Variants in PCSK5 observed in about 807,000 individuals in gnomAD.
The protein encoded by PCSK5 is prohormone convertase 5.
Under a neutral mutation model 233.2 loss-of-function variants are expected in PCSK5, and 129 were observed. The observed-to-expected ratio is 0.55, with a 90% confidence interval of 0.48 to 0.64. The LOEUF (loss-of-function observed/expected upper bound fraction) is 0.64, where lower values mean the gene tolerates loss of function less well. PCSK5 is among the 30% of genes least tolerant of loss of function. The probability of loss-of-function intolerance (pLI) is 0.00; values close to 1 mark genes in which losing one functional copy is unlikely to be tolerated. For synonymous variants in PCSK5, 825 were observed against 879.2 expected, an observed-to-expected ratio of 0.94 and a Z score of 1.09; for missense variants, 2,076 against 2,430.1, an observed-to-expected ratio of 0.85 and a Z score of 3.06.
intron 3 of PCSK5, among the ~76,000 whole-genome samples, chr9:76,005,187 A>G (rs552947244): frequency 6.6e-6 from 1 of 152,338 alleles, no homozygotes; most frequent in South Asian, 2.1e-4. Context: ...ACTTATGTAC[A>G]ATTTAAGATT....
At chr9:76,299,939 C>T (rs938826597) in intron 27 of PCSK5, among the ~76,000 whole-genome samples, 1 of 152,200 alleles carries the variant, frequency 6.6e-6, no homozygotes, top group African/African-American at 2.4e-5. Flanking sequence ...GTAATTTCTG[C>T]ACATTTATCT....
intron 34 of PCSK5, 146 bp from the exon 35 acceptor site, chr9:76,338,084 G>T: frequency 1.6e-6 from 1 of 623,706 alleles, no homozygotes; most frequent in Non-Finnish European, 2.8e-6. Flanking sequence ...GGATTCATTA[G>T]TGTTATTAGC....
intron 34 of PCSK5, among the ~76,000 whole-genome samples, chr9:76,333,948 G>A (rs947785703): frequency 6.6e-6 from 1 of 152,162 alleles, no homozygotes; most frequent in African/African-American, 2.4e-5. Context: ...TCACGCGGCT[G>A]ATAAAGACAT....
rs13288726 is a variant in PCSK5 at position 76,162,415 on chromosome 9, G to A, written c.1619+3244G>A. Among the ~76,000 whole-genome samples, 593 of 152,264 alleles carry A rather than the reference G, an allele frequency of 3.9e-3. 2 individuals are homozygous for A. The highest frequency in any genetic ancestry group is 5.9e-3 in the Non-Finnish European group (403 of 68,016). On this transcript the variant is annotated intron_variant, in intron 12 of 37. Coordinates refer to ENST00000674117, the MANE Select transcript of PCSK5 (RefSeq NM_001372043.1). ...CCTCTCACCTTGGCCCCATTTCAAAGCACATTCCCAGAATGGAGAGCTGGG... is the reference window on the plus strand; with the variant it reads ...CCTCTCACCTTGGCCCCATTTCAAAACACATTCCCAGAATGGAGAGCTGGG...
intron 3 of PCSK5, among the ~76,000 whole-genome samples, chr9:76,015,438 C>G (rs903907319): frequency 1.1e-4 from 17 of 152,066 alleles, no homozygotes; most frequent in African/African-American, 3.1e-4. Context: ...ACCATCACAC[C>G]GTCTCAAGAA....
intron 10 of PCSK5, among the ~76,000 whole-genome samples, chr9:76,155,254 T>C (rs959702058): frequency 5.3e-5 from 8 of 152,210 alleles, no homozygotes; most frequent in Admixed American, 2.0e-4. Context: ...AACTTAATAA[T>C]GTAGATGAGA....
At chr9:76,235,394 G>A (rs779087351) in intron 22 of PCSK5, among the ~76,000 whole-genome samples, 4 of 152,138 alleles carry the variant, frequency 2.6e-5, no homozygotes, top group East Asian at 3.8e-4. Context: ...TTAGAAAGAA[G>A]TTTAGATACC....
At chr9:76,281,711 C>T (rs11507272) in intron 24 of PCSK5, among the ~76,000 whole-genome samples, 19,946 of 152,072 alleles carry the variant, frequency 0.13, 1,786 homozygotes, top group African/African-American at 0.26. Context: ...TACAGTGGCA[C>T]ACTCTTGGCT....
chr9:76,055,597 T>C (rs1829792479), intron 5 of PCSK5, among the ~76,000 whole-genome samples: 1 of 152,108 alleles, frequency 6.6e-6, no homozygotes, highest in Non-Finnish European at 1.5e-5. Context: ...AAATATGCTG[T>C]CATCAATACT....
intron 13 of PCSK5, among the ~76,000 whole-genome samples, chr9:76,173,806 C>T (rs1823449936): frequency 6.6e-6 from 1 of 151,746 alleles, no homozygotes; most frequent in Non-Finnish European, 1.5e-5. Flanking sequence ...AACCCTGTCT[C>T]TACTAAAAAA....
intron 14 of PCSK5, among the ~76,000 whole-genome samples, chr9:76,176,444 C>G (rs1278948841): frequency 6.6e-6 from 1 of 152,150 alleles, no homozygotes; most frequent in Non-Finnish European, 1.5e-5. Context: ...ACATCTGCTT[C>G]CCATTTCCAT....
At chr9:76,196,140 G>GA (rs1189148372) in intron 20 of PCSK5, among the ~76,000 whole-genome samples, 11 of 152,134 alleles carry the variant, frequency 7.2e-5, no homozygotes, top group Admixed American at 2.6e-4. Flanking sequence ...GCAAGGCTGT[G>GA]AAAAAAAATC....
intron 22 of PCSK5, among the ~76,000 whole-genome samples, chr9:76,235,309 AAAGAAG>A (rs142476252): frequency 2.6e-5 from 4 of 151,180 alleles, no homozygotes; most frequent in East Asian, 2.0e-4. Flanking sequence ...CAACAAAAAA[AAAGAAG>A]AAGAAGAAGA....
chr9:76,033,595 A>G (rs1029172384), intron 5 of PCSK5, among the ~76,000 whole-genome samples: 16 of 152,140 alleles, frequency 1.1e-4, no homozygotes, highest in African/African-American at 3.9e-4. Context: ...AAAAAAAAAA[A>G]TCTGACACTT....
At chr9:76,276,778 C>T (rs1827702111) in intron 24 of PCSK5, among the ~76,000 whole-genome samples, 1 of 152,166 alleles carries the variant, frequency 6.6e-6, no homozygotes, top group Non-Finnish European at 1.5e-5. Flanking sequence ...TTTTCTTCAC[C>T]CAATGCATAT....
At chr9:75,938,649 G>A (rs1340199095) in intron 2 of PCSK5, among the ~76,000 whole-genome samples, 3 of 152,156 alleles carry the variant, frequency 2.0e-5, no homozygotes, top group Admixed American at 6.5e-5. Context: ...ATAAAACAAG[G>A]TATGCCCGTA....
At position 76,362,587 on chromosome 9, in the gene PCSK5, T is replaced by C. The variant is rs1830446874; in HGVS notation, c.*3665T>C. Among the ~76,000 whole-genome samples the C allele has an allele frequency of 1.3e-5, 2 of 152,234 alleles. No individual in the cohort carries two copies. The highest frequency in any genetic ancestry group is 4.8e-5 in the African/African-American group (2 of 41,466). On this transcript the variant is annotated 3_prime_UTR_variant, in exon 38 of 38. Coordinates refer to ENST00000674117, the MANE Select transcript of PCSK5 (RefSeq NM_001372043.1). ...GAGGAAACCACCCCTCATATTGTCT[T>C]ATGCCCAATTTCTGCCTCCAAAGAA...
Position 76,358,394 on chromosome 9 carries a change from C to G in PCSK5, c.5255-119C>G, listed in dbSNP as rs566799485. 8.2e-6 allele frequency: 6 copies of G among 734,828 alleles called. 1 individual carries two copies. Among genetic ancestry groups the G allele is most frequent in the African/African-American group, 1.8e-5 (1 of 56,464 alleles). 45.5% of individuals were successfully genotyped at this position (734,828 alleles called of 1,614,324 possible). ...CAGAGGAAAATCAGAGACAGTGATT[C>G]TACCATTTTCAATTTTTAAAATAAA... On this transcript the variant is annotated intron_variant, in intron 37 of 37. Coordinates refer to ENST00000674117, the MANE Select transcript of PCSK5 (RefSeq NM_001372043.1).
intron 24 of PCSK5, among the ~76,000 whole-genome samples, chr9:76,275,707 T>TA (rs1381610168): frequency 6.6e-6 from 1 of 152,194 alleles, no homozygotes; most frequent in East Asian, 1.9e-4. Flanking sequence ...TTCCAGGCAT[T>TA]AGCCACTGTG....
Sources: allele counts gnomAD v4.1 joint callset (sites outside exome capture counted in the v4.1 genomes callset), GRCh38; gene constraint gnomAD v4.1.1; transcripts MANE v1.5; gene names NCBI Gene and HGNC (gene_info 2026-07-23, HGNC 2026-07-21).